The following RIMS2 variants were observed in gnomAD, a reference collection of about 807,000 sequenced individuals.
RIMS2 encodes regulating synaptic membrane exocytosis protein 2.
RIMS2 carries 59 observed loss-of-function variants against 174.4 expected under a neutral mutation model. The ratio of observed to expected loss-of-function variants is 0.34; its 90% CI spans 0.27 to 0.42. RIMS2 has a LOEUF of 0.42. RIMS2 is among the 10% of genes least tolerant of loss of function. The pLI, the probability that RIMS2 is intolerant of heterozygous loss-of-function variation, is 1.00. For missense variants in RIMS2, 1,620 were observed against 1,666.3 expected (o/e 0.97, Z 0.48); for synonymous variants, 606 against 572.5 (o/e 1.06, Z -0.84).
At position 103,603,310 on chromosome 8, in the gene RIMS2, C is replaced by G. The variant is rs559128743; in HGVS notation, c.177-93776C>G. The stretch of plus-strand genomic sequence containing the variant: ...ATGCTTTCCAATTTCATCCATGTCC[C>G]TACAAAGGACATGAACTCATCATGT... On this transcript the variant is annotated intron_variant, in intron 1 of 23. Transcript: ENST00000504942. Among the ~76,000 whole-genome samples the G allele has an allele frequency of 2.3e-3, 342 of 151,946 alleles. 2 individuals carry two copies. Among genetic ancestry groups the G allele is most frequent in the Non-Finnish European group, 3.8e-3 (259 of 67,980 alleles).
At chr8:103,572,563 TTTG>T (rs1027162718) in intron 1 of RIMS2, among the ~76,000 whole-genome samples, 13 of 150,530 alleles carry the variant, frequency 8.6e-5, no homozygotes, top group Non-Finnish European at 1.0e-4. Flanking sequence ...CCAAAATCTG[TTTG>T]TTTTTTTTTT....
intron 3 of RIMS2, among the ~76,000 whole-genome samples, chr8:103,806,901 G>GA (rs1031862384): frequency 4.4e-4 from 67 of 151,920 alleles, no homozygotes; most frequent in African/African-American, 1.5e-3. Flanking sequence ...TTTTAAGACA[G>GA]AAAAAAAATG....
At chr8:103,764,411 A>G (rs1221947039) in intron 2 of RIMS2, among the ~76,000 whole-genome samples, 1 of 152,154 alleles carries the variant, frequency 6.6e-6, no homozygotes, top group Non-Finnish European at 1.5e-5. Context: ...AACTTCATTT[A>G]TTTTTACATT....
Position 104,195,740 on chromosome 8 carries a change from C to G in RIMS2, c.3335-49176C>G, listed in dbSNP as rs568743776. Among the ~76,000 whole-genome samples, 5 of 152,204 alleles carry G rather than the reference C, an allele frequency of 3.3e-5. No homozygotes were observed. The South Asian group carries it at 6.2e-4, about 19-fold the overall frequency. ...GTATTGCCCAGGATGGCTCAAACTCCTGGCTCAGGCAGTCTGCCCACCTCA... is the reference window on the plus strand; with the variant it reads ...GTATTGCCCAGGATGGCTCAAACTCGTGGCTCAGGCAGTCTGCCCACCTCA... On this transcript the variant is annotated intron_variant, in intron 19 of 23. Transcript: ENST00000504942.
chr8:104,154,415 G>A (rs1308251044), intron 19 of RIMS2, among the ~76,000 whole-genome samples: 1 of 152,206 alleles, frequency 6.6e-6, no homozygotes, highest in East Asian at 1.9e-4. Flanking sequence ...AATGTGGCTA[G>A]GGTAACTAAG....
At chr8:104,154,418 T>C (rs528149229) in intron 19 of RIMS2, among the ~76,000 whole-genome samples, 1 of 152,338 alleles carries the variant, frequency 6.6e-6, no homozygotes, top group Admixed American at 6.5e-5. Flanking sequence ...GTGGCTAGGG[T>C]AACTAAGTTA....
chr8:103,773,452 G>A (rs116233823), intron 3 of RIMS2, among the ~76,000 whole-genome samples: 18,903 of 152,188 alleles, frequency 0.12, 1,275 homozygotes, highest in Middle Eastern at 0.22. Flanking sequence ...ATCAAGTGCC[G>A]GGCACGGTGG....
At chr8:103,878,991 C>A (rs766221044) in intron 3 of RIMS2, among the ~76,000 whole-genome samples, 5 of 151,222 alleles carry the variant, frequency 3.3e-5, no homozygotes, top group Non-Finnish European at 7.4e-5. Context: ...CAATTTGGGT[C>A]CTCAAAAATT....
At chr8:103,586,647 C>A (rs1009290153) in intron 1 of RIMS2, among the ~76,000 whole-genome samples, 1 of 151,856 alleles carries the variant, frequency 6.6e-6, no homozygotes, top group African/African-American at 2.4e-5. Flanking sequence ...ATAGGAAGAA[C>A]TTCAAATGAA....
intron 19 of RIMS2, among the ~76,000 whole-genome samples, chr8:104,200,655 C>G (rs945330214): frequency 6.6e-5 from 10 of 152,148 alleles, no homozygotes; most frequent in Non-Finnish European, 1.5e-4. Flanking sequence ...CGCTGTAATC[C>G]CAGCACTTTT....
rs144442440 is a variant in RIMS2 at position 104,101,302 on chromosome 8, T to G, written c.3334+86687T>G. On this transcript the variant is annotated intron_variant, in intron 19 of 23. Transcript: ENST00000504942. ...CCACCATGCCCAGCCAATTTTTATA[T>G]TTTTAGTAGAGACAGCATTTTGCCA... Among the ~76,000 whole-genome samples, 494 of 151,754 alleles carry G rather than the reference T, an allele frequency of 3.3e-3. 3 individuals carry two copies. The highest frequency in any genetic ancestry group is 0.01 in the Middle Eastern group (3 of 292).
intron 1 of RIMS2, among the ~76,000 whole-genome samples, chr8:103,691,304 G>A (rs1446665133): frequency 6.6e-6 from 1 of 152,002 alleles, no homozygotes. Context: ...TATATTTAAG[G>A]CCAATAACTC....
chr8:104,222,830 T>C (rs1487172891), intron 19 of RIMS2, among the ~76,000 whole-genome samples: 1 of 152,170 alleles, frequency 6.6e-6, no homozygotes, highest in Non-Finnish European at 1.5e-5. Context: ...TTCCTAAAAT[T>C]AAAACAATTT....
chr8:103,698,652 G>A (rs55731986), intron 2 of RIMS2, among the ~76,000 whole-genome samples: 3 of 151,594 alleles, frequency 2.0e-5, no homozygotes, highest in Non-Finnish European at 2.9e-5. Flanking sequence ...TCATTTTTTT[G>A]GGGGATGAGT....
chr8:103,748,650 T>A (rs2097849746), intron 2 of RIMS2, among the ~76,000 whole-genome samples: 1 of 152,164 alleles, frequency 6.6e-6, no homozygotes, highest in Non-Finnish European at 1.5e-5. Flanking sequence ...CATCTTCGGT[T>A]CTCTTCAATT....
rs566955398 is a variant in RIMS2 at position 104,007,776 on chromosome 8, G to A, written c.3045-5666G>A. ...AGATCATATGATCAGTAATGACTGA[G>A]GCAGATAGTATTTATGCTTGAAAAT... is the stretch of plus-strand genomic sequence containing the variant. On this transcript the variant is annotated intron_variant, in intron 17 of 23. Coordinates refer to ENST00000504942, the Ensembl canonical transcript of RIMS2. Among the ~76,000 whole-genome samples the A allele has an allele frequency of 2.6e-5, 4 of 152,192 alleles. No individual in the cohort carries two copies. The East Asian group carries it at 7.7e-4, about 29-fold the overall frequency.
At chr8:104,094,736 T>C in intron 19 of RIMS2, 1 of 666,606 alleles carries the variant, frequency 1.5e-6, no homozygotes, top group South Asian at 1.7e-5. Flanking sequence ...CCAGGTAAAA[T>C]ATGTTATTTG....
chr8:103,660,259 AG>A (rs1208097011), intron 1 of RIMS2, among the ~76,000 whole-genome samples: 8 of 152,212 alleles, frequency 5.3e-5, no homozygotes, highest in African/African-American at 1.9e-4. Flanking sequence ...GCCCGTGGTG[AG>A]GCTGCTTGCC....
At chr8:104,051,273 T>C (rs1431437150) in intron 19 of RIMS2, among the ~76,000 whole-genome samples, 1 of 152,176 alleles carries the variant, frequency 6.6e-6, no homozygotes, top group East Asian at 1.9e-4. Flanking sequence ...TATATATGTA[T>C]GTGTGTGTAT....
Sources: gnomAD v4.1 joint callset for allele counts (sites outside exome capture counted in the v4.1 genomes callset) on GRCh38, gnomAD v4.1.1 for gene constraint, MANE v1.5 for transcripts, NCBI Gene and HGNC (gene_info 2026-07-23, HGNC 2026-07-21) for gene names.